NAALADL2: variants seen among roughly 807,000 people sequenced by gnomAD.
NAALADL2 encodes the protein inactive N-acetylated-alpha-linked acidic dipeptidase-like protein 2.
In NAALADL2, 76 loss-of-function variants were observed where a neutral mutation model predicts 87.2. The observed-to-expected ratio is 0.87, with a 90% CI of 0.72 to 1.05. The LOEUF is 1.05. NAALADL2 is among the 50% of genes least tolerant of loss of function. The pLI is 0.00. For synonymous variants in NAALADL2, 354 were observed against 331.0 expected (o/e 1.07, Z -0.75); for missense variants, 1,089 against 945.8 (o/e 1.15, Z -1.99).
At chr3:174,851,149 C>A (rs1725194405) in intron 3 of NAALADL2, among the ~76,000 whole-genome samples, 1 of 151,920 alleles carries the variant, frequency 6.6e-6, no homozygotes, top group South Asian at 2.1e-4. Context: ...TAAATGCCTT[C>A]ATCAAAAGTA....
chr3:174,712,008 C>T (rs1170240914), intron 2 of NAALADL2, among the ~76,000 whole-genome samples: 1 of 151,816 alleles, frequency 6.6e-6, no homozygotes, highest in African/African-American at 2.4e-5. Flanking sequence ...AGGCTTGTCT[C>T]GAACTCCTGA....
chr3:175,640,243 A>G (rs777558798), intron 11 of NAALADL2, among the ~76,000 whole-genome samples: 1 of 152,110 alleles, frequency 6.6e-6, no homozygotes, highest in Non-Finnish European at 1.5e-5. Flanking sequence ...TAATTAATAT[A>G]TTATTAATAA....
In NAALADL2 at chr3:175,377,017, AAT is replaced by A. The variant is rs201037418; in HGVS notation, c.1090+52693_1090+52694del. Among the ~76,000 whole-genome samples the A allele has an allele frequency of 2.6e-3, 341 of 133,402 alleles. 2 individuals carry two copies. Among genetic ancestry groups the A allele is most frequent in the East Asian group, 0.014 (55 of 3,840 alleles). 87.5% of individuals were successfully genotyped at this position (133,402 alleles called of 152,430 possible). On this transcript the variant is annotated intron_variant, in intron 5 of 13. Coordinates refer to ENST00000454872, the MANE Select transcript of NAALADL2 (RefSeq NM_207015.3). The stretch of plus-strand genomic sequence containing the variant: ...ACCTGGCCTTCTTTTAAAAAAAAAA[AAT>A]TATTGAATTTAGGCCAGATGCAGTG...
chr3:175,145,741 A>G (rs932913440), intron 2 of NAALADL2, among the ~76,000 whole-genome samples: 3 of 152,018 alleles, frequency 2.0e-5, no homozygotes, highest in Non-Finnish European at 4.4e-5. Flanking sequence ...CTAATTTTAC[A>G]CAAAATTATT....
intron 2 of NAALADL2, among the ~76,000 whole-genome samples, chr3:175,104,377 C>A (rs75626865): frequency 0.054 from 8,203 of 152,018 alleles, 633 homozygotes; most frequent in African/African-American, 0.17. Flanking sequence ...CTCCTCTGAC[C>A]CCACAAGAAT....
At chr3:175,108,696 G>GT (rs1723664369) in intron 2 of NAALADL2, among the ~76,000 whole-genome samples, 2 of 152,004 alleles carry the variant, frequency 1.3e-5, no homozygotes, top group Admixed American at 1.3e-4. Flanking sequence ...TTTGTAACTT[G>GT]ATGAAACACA....
chr3:175,716,805 A>G (rs1156683831), intron 11 of NAALADL2, among the ~76,000 whole-genome samples: 2 of 152,176 alleles, frequency 1.3e-5, no homozygotes, highest in African/African-American at 4.8e-5. Flanking sequence ...CTGGCTGTAT[A>G]TAAAGAATGT....
chr3:175,356,434 G>A (rs146528481), intron 5 of NAALADL2, among the ~76,000 whole-genome samples: 1 of 151,834 alleles, frequency 6.6e-6, no homozygotes, highest in Non-Finnish European at 1.5e-5. Context: ...AAATTAGCTA[G>A]CATGGTGATG....
intron 5 of NAALADL2, among the ~76,000 whole-genome samples, chr3:175,324,723 T>A (rs1760468199): frequency 6.6e-6 from 1 of 152,136 alleles, no homozygotes; most frequent in African/African-American, 2.4e-5. Context: ...AGTCCAGGGT[T>A]TAGAGGTACA....
intron 9 of NAALADL2, among the ~76,000 whole-genome samples, chr3:175,570,167 C>A (rs753612474): frequency 1.5e-4 from 23 of 152,094 alleles, no homozygotes; most frequent in Non-Finnish European, 2.9e-4. Flanking sequence ...AAGGAAAAGA[C>A]CAATGTTCTA....
chr3:174,904,260 A>G (rs918260428), intron 1 of NAALADL2, among the ~76,000 whole-genome samples: 1 of 151,850 alleles, frequency 6.6e-6, no homozygotes, highest in African/African-American at 2.4e-5. Context: ...AATAATTATG[A>G]TAATGTTAAA....
intron 1 of NAALADL2, among the ~76,000 whole-genome samples, chr3:174,892,865 T>A (rs1731024893): frequency 7.0e-6 from 1 of 142,330 alleles, no homozygotes; most frequent in Non-Finnish European, 1.5e-5. Context: ...GAGGTTGCAG[T>A]GAGCCAAGAT....
chr3:174,849,508 G>C (rs113001612), intron 3 of NAALADL2, among the ~76,000 whole-genome samples: 1 of 151,828 alleles, frequency 6.6e-6, no homozygotes, highest in Non-Finnish European at 1.5e-5. Flanking sequence ...GGGCCGAGGC[G>C]GGCAGATCAC....
At chr3:175,296,065 C>T (rs987382569) in intron 4 of NAALADL2, among the ~76,000 whole-genome samples, 1 of 35,038 alleles carries the variant, frequency 2.9e-5, no homozygotes, top group African/African-American at 5.6e-5. Context: ...GGGAAGCTTT[C>T]CTTAACTATC....
rs1738315409 is a variant in NAALADL2 at position 175,698,325 on chromosome 3, ATG to A, written c.1897-38979_1897-38978del. Among the ~76,000 whole-genome samples, 13 of 93,758 alleles carry A rather than the reference ATG, an allele frequency of 1.4e-4. 1 individual carries two copies. The South Asian group carries it at 3.2e-3, about 23-fold the overall frequency. The allele number at this position is 93,758 out of a possible 152,430, so 61.5% of individuals were successfully genotyped here. ...TATGTGTATATATGTATGTGTATTT[ATG>A]TATGTGTATATATGTATGTGTATTT... is the stretch of plus-strand genomic sequence containing the variant. On this transcript the variant is annotated intron_variant, in intron 11 of 13. Coordinates refer to ENST00000454872, the MANE Select transcript of NAALADL2 (RefSeq NM_207015.3).
chr3:175,459,588 ATAGT>A (rs1372409944), intron 6 of NAALADL2, among the ~76,000 whole-genome samples: 1 of 152,170 alleles, frequency 6.6e-6, no homozygotes, highest in Non-Finnish European at 1.5e-5. Flanking sequence ...TATATATTTT[ATAGT>A]TAAATTCAAA....
chr3:174,455,352 A>T (rs1460547082), intron 1 of NAALADL2, among the ~76,000 whole-genome samples: 8 of 152,184 alleles, frequency 5.3e-5, no homozygotes, highest in African/African-American at 1.9e-4. Context: ...AAAACTGAAA[A>T]GGAGGGACTC....
In NAALADL2 at chr3:175,698,483, T is replaced by TTTTATA. The variant is rs1398396262; in HGVS notation, c.1897-38822_1897-38821insTTATAT. 1.3e-3 allele frequency among the ~76,000 whole-genome samples: 91 copies of TTTTATA among 67,736 alleles called. 4 individuals carry two copies. Among genetic ancestry groups the TTTTATA allele is most frequent in the African/African-American group, 8.1e-3 (89 of 11,054 alleles). 44.4% of individuals were successfully genotyped at this position (67,736 alleles called of 152,430 possible). ...TGTGTATATATGTGTGTATATATAT[T>TTTTATA]TATATATATATATATATATAAAATC... On this transcript the variant is annotated intron_variant, in intron 11 of 13. Transcript: ENST00000454872.
At chr3:174,501,181 C>T (rs1045616531) in intron 1 of NAALADL2, among the ~76,000 whole-genome samples, 2 of 148,048 alleles carry the variant, frequency 1.4e-5, no homozygotes, top group African/African-American at 2.6e-5. Flanking sequence ...CGGGTTCACG[C>T]CATTCTCCTG....
Sources: gnomAD v4.1 joint callset for allele counts (sites outside exome capture counted in the v4.1 genomes callset) on GRCh38, gnomAD v4.1.1 for gene constraint, MANE v1.5 for transcripts, NCBI Gene and HGNC (gene_info 2026-07-23, HGNC 2026-07-21) for gene names.